ACVR2A: variants seen among roughly 807,000 people sequenced by gnomAD.
The protein encoded by ACVR2A is activin A receptor type 2A, also known as activin receptor type-2A.
ACVR2A carries 7 observed loss-of-function variants against 61.4 expected under a neutral mutation model. The ratio of observed to expected loss-of-function variants is 0.11; its 90% CI spans 0.06 to 0.21. The LOEUF (loss-of-function observed/expected upper bound fraction) is 0.21, where lower values mean the gene tolerates loss of function less well. Ranked by LOEUF, ACVR2A falls within the 10% of genes least tolerant of loss-of-function variation. ACVR2A has a pLI of 1.00. For missense variants in ACVR2A, 322 were observed against 621.7 expected, an observed-to-expected ratio of 0.52 and a Z score of 5.13; for synonymous variants, 193 against 208.3, an observed-to-expected ratio of 0.93 and a Z score of 0.63.
At chr2:147,888,681 CTT>C (rs1156497786) in intron 1 of ACVR2A, among the ~76,000 whole-genome samples, 3 of 136,736 alleles carry the variant, frequency 2.2e-5, no homozygotes, top group Non-Finnish European at 3.2e-5. Flanking sequence ...GCTGCTGCTT[CTT>C]TTTTTTTTTT....
intron 1 of ACVR2A, among the ~76,000 whole-genome samples, chr2:147,849,047 A>G (rs568091514): frequency 4.5e-4 from 69 of 152,272 alleles, no homozygotes; most frequent in African/African-American, 1.7e-3. Context: ...ACATTCTTTC[A>G]TCCTTGATGA....
At chr2:147,872,235 A>G (rs896837375) in intron 1 of ACVR2A, among the ~76,000 whole-genome samples, 2 of 152,054 alleles carry the variant, frequency 1.3e-5, no homozygotes, top group African/African-American at 4.8e-5. Flanking sequence ...CATAGTATGT[A>G]AAGCCCAATT....
chr2:147,853,224 A>C (rs1476372760), intron 1 of ACVR2A, among the ~76,000 whole-genome samples: 1 of 152,138 alleles, frequency 6.6e-6, no homozygotes, highest in Admixed American at 6.5e-5. Flanking sequence ...ATTTGGAAAA[A>C]TAAGAGTACA....
chr2:147,918,421 G>A (rs1553446525), intron 6 of ACVR2A, 26 bp from the exon 7 acceptor site: 1 of 1,592,122 alleles, frequency 6.3e-7, no homozygotes, highest in Non-Finnish European at 8.5e-7. Flanking sequence ...AAGAACATAA[G>A]TTTCTTTTTT....
At chr2:147,918,982 C>G (rs908408106) in intron 7 of ACVR2A, among the ~76,000 whole-genome samples, 1 of 151,984 alleles carries the variant, frequency 6.6e-6, no homozygotes, top group Non-Finnish European at 1.5e-5. Flanking sequence ...ATGACCTTAT[C>G]TGTACCCTGA....
intron 9 of ACVR2A, among the ~76,000 whole-genome samples, chr2:147,923,429 T>C (rs1041724830): frequency 6.6e-6 from 1 of 152,074 alleles, no homozygotes; most frequent in African/African-American, 2.4e-5. Context: ...TTAAGTAGTT[T>C]GCCTACTTTA....
At chr2:147,911,157 C>A (rs1362846190) in intron 4 of ACVR2A, among the ~76,000 whole-genome samples, 3 of 152,036 alleles carry the variant, frequency 2.0e-5, no homozygotes, top group African/African-American at 7.2e-5. Flanking sequence ...GAAGGCAATT[C>A]CAATTTGTAA....
chr2:147,866,358 G>A (rs1685855427), intron 1 of ACVR2A, among the ~76,000 whole-genome samples: 1 of 152,278 alleles, frequency 6.6e-6, no homozygotes, highest in Non-Finnish European at 1.5e-5. Context: ...TGGAGATATT[G>A]TTAAAATGTA....
intron 4 of ACVR2A, among the ~76,000 whole-genome samples, chr2:147,905,471 C>T (rs1686966927): frequency 6.6e-6 from 1 of 151,662 alleles, no homozygotes; most frequent in African/African-American, 2.4e-5. Context: ...AGACAGAACT[C>T]ACATCTCACA....
intron 4 of ACVR2A, among the ~76,000 whole-genome samples, chr2:147,903,293 A>C (rs1423180921): frequency 6.7e-6 from 1 of 148,718 alleles, no homozygotes; most frequent in Non-Finnish European, 1.5e-5. Context: ...TCATTGTTTC[A>C]TGGTATCACT....
At chr2:147,901,998 G>A (rs1449097327) in intron 4 of ACVR2A, among the ~76,000 whole-genome samples, 1 of 151,878 alleles carries the variant, frequency 6.6e-6, no homozygotes, top group African/African-American at 2.4e-5. Flanking sequence ...CATTTATTGA[G>A]CATTTTACAG....
chr2:147,889,164 T>G (rs1218036348), intron 1 of ACVR2A, among the ~76,000 whole-genome samples: 1 of 152,170 alleles, frequency 6.6e-6, no homozygotes, highest in Non-Finnish European at 1.5e-5. Context: ...GATCCCACTT[T>G]GCTGTGATGT....
intron 1 of ACVR2A, among the ~76,000 whole-genome samples, chr2:147,866,967 G>C (rs1685871949): frequency 6.6e-6 from 1 of 152,196 alleles, no homozygotes; most frequent in Non-Finnish European, 1.5e-5. Flanking sequence ...AGAGCAGGGA[G>C]AGAAGTTAAG....
intron 1 of ACVR2A, among the ~76,000 whole-genome samples, chr2:147,855,068 A>G (rs1685535587): frequency 6.6e-6 from 1 of 151,970 alleles, no homozygotes; most frequent in Admixed American, 6.6e-5. Flanking sequence ...TTTGGTAGAG[A>G]GGGGGTTTAA....
rs1230450646 is a variant in ACVR2A, at chr2:147,869,228, G to T, written c.55+24021G>T. On this transcript the variant is annotated intron_variant, in intron 1 of 10. Transcript: ENST00000241416. Reference sequence around the variant, plus strand: ...TTTGTTTCCTTTTGGCTGGTAACTTGCTGTTCAGAATTGCTTGTTGAAATT... The same window carrying T: ...TTTGTTTCCTTTTGGCTGGTAACTTTCTGTTCAGAATTGCTTGTTGAAATT... Among the ~76,000 whole-genome samples the T allele has an allele frequency of 2.6e-5, 4 of 152,136 alleles. No homozygotes were observed. The East Asian group carries it at 7.7e-4, about 29-fold the overall frequency.
chr2:147,925,758 G>A, intron 9 of ACVR2A: 1 of 326,872 alleles, frequency 3.1e-6, no homozygotes, highest in Non-Finnish European at 5.6e-6. Flanking sequence ...CCTCTGTGCA[G>A]ATGGAAATAG....
At chr2:147,848,079 A>G (rs558624063) in intron 1 of ACVR2A, among the ~76,000 whole-genome samples, 1 of 152,294 alleles carries the variant, frequency 6.6e-6, no homozygotes, top group Non-Finnish European at 1.5e-5. Context: ...AGTACTGTGT[A>G]TGTGTGAATG....
At chr2:147,888,246 A>G (rs1340450194) in intron 1 of ACVR2A, among the ~76,000 whole-genome samples, 2 of 152,122 alleles carry the variant, frequency 1.3e-5, no homozygotes, top group East Asian at 3.9e-4. Flanking sequence ...TAACGTCAGG[A>G]AAGCGGGTGG....
rs7572676 is a variant in ACVR2A, at chr2:147,846,053, G to C, written c.55+846G>C. ...CGGGCCATTTTATATTGGAAATTTT[G>C]ATTTTGTGAGGACGTTCTATGGTTG... On this transcript the variant is annotated intron_variant, in intron 1 of 10. Transcript: ENST00000241416. Among the ~76,000 whole-genome samples, 991 of 152,216 alleles carry C rather than the reference G, an allele frequency of 6.5e-3. 9 individuals carry two copies. The highest frequency in any genetic ancestry group is 0.023 in the African/African-American group (955 of 41,540).
Sources: gnomAD v4.1 joint callset for allele counts (sites outside exome capture counted in the v4.1 genomes callset) on GRCh38, gnomAD v4.1.1 for gene constraint, MANE v1.5 for transcripts, NCBI Gene and HGNC (gene_info 2026-07-23, HGNC 2026-07-21) for gene names.